The following SUMF1 variants were observed in gnomAD, a reference collection of about 807,000 sequenced individuals.
SUMF1 encodes the protein formylglycine-generating enzyme.
In SUMF1, 48 loss-of-function variants were observed where a neutral mutation model predicts 47.6. The ratio of observed to expected loss-of-function variants is 1.01; its 90% CI spans 0.80 to 1.28. The LOEUF is 1.28. Among genes scored for constraint, SUMF1 ranks in the 50% most tolerant of loss-of-function variants. The probability of loss-of-function intolerance (pLI) is 0.00; values close to 1 mark genes in which losing one functional copy is unlikely to be tolerated. For missense variants in SUMF1, 571 were observed against 485.4 expected, an observed-to-expected ratio of 1.18 and a Z score of -1.66; for synonymous variants, 230 against 192.1, an observed-to-expected ratio of 1.20 and a Z score of -1.63.
chr3:4,148,282 G>A (rs1194602335), intron 8 of SUMF1, among the ~76,000 whole-genome samples: 3 of 152,100 alleles, frequency 2.0e-5, no homozygotes, highest in Admixed American at 2.0e-4. Flanking sequence ...CCCAAGAGAT[G>A]GGGGTTGATT....
At chr3:4,313,144 A>G in intron 8 of SUMF1, 1 of 1,614,054 alleles carries the variant, frequency 6.2e-7, no homozygotes, top group Non-Finnish European at 8.5e-7. Flanking sequence ...AGTGGTCCAG[A>G]AAGGTCTACA....
chr3:4,237,855 T>A (rs1394810155), intron 8 of SUMF1, among the ~76,000 whole-genome samples: 1 of 152,190 alleles, frequency 6.6e-6, no homozygotes, highest in African/African-American at 2.4e-5. Flanking sequence ...TAGGTATACA[T>A]GTGCCATGGT....
chr3:4,038,589 C>G (rs1173188461), intron 9 of SUMF1, among the ~76,000 whole-genome samples: 2 of 152,146 alleles, frequency 1.3e-5, no homozygotes, highest in Non-Finnish European at 2.9e-5. Flanking sequence ...GAGCTTGGGG[C>G]TCCACTTGCT....
chr3:4,379,059 T>A (rs769904839), intron 7 of SUMF1, among the ~76,000 whole-genome samples: 18 of 152,342 alleles, frequency 1.2e-4, no homozygotes, highest in Middle Eastern at 3.4e-3. Context: ...GTCCTCAATT[T>A]AGGTGACTGC....
intron 8 of SUMF1, among the ~76,000 whole-genome samples, chr3:4,366,273 G>T (rs143991565): frequency 2.6e-5 from 4 of 152,142 alleles, no homozygotes; most frequent in African/African-American, 9.7e-5. Context: ...TGCCTTGTTA[G>T]ATTGGGGAAG....
intron 8 of SUMF1, among the ~76,000 whole-genome samples, chr3:4,224,280 C>T (rs1213598731): frequency 1.3e-5 from 2 of 152,084 alleles, no homozygotes; most frequent in African/African-American, 4.8e-5. Context: ...AAAAAGGCAA[C>T]AACTTATCCT....
At chr3:4,141,989 A>T (rs897986581) in intron 8 of SUMF1, among the ~76,000 whole-genome samples, 3 of 152,170 alleles carry the variant, frequency 2.0e-5, no homozygotes, top group Non-Finnish European at 4.4e-5. Flanking sequence ...GCTGTGTTTC[A>T]TTACAATCAG....
intron 7 of SUMF1, among the ~76,000 whole-genome samples, chr3:4,387,567 T>C (rs1355914709): frequency 6.6e-6 from 1 of 152,034 alleles, no homozygotes; most frequent in African/African-American, 2.4e-5. Flanking sequence ...TTTTTCTCTG[T>C]TTTTCTGTTG....
chr3:4,180,710 A>T (rs1695077828), intron 8 of SUMF1, among the ~76,000 whole-genome samples: 1 of 151,924 alleles, frequency 6.6e-6, no homozygotes, highest in Non-Finnish European at 1.5e-5. Context: ...AAAATTAGCC[A>T]GGCATGGTGG....
intron 8 of SUMF1, among the ~76,000 whole-genome samples, chr3:4,239,683 G>C (rs962395776): frequency 6.6e-6 from 1 of 152,010 alleles, no homozygotes; most frequent in African/African-American, 2.4e-5. Flanking sequence ...GAGATGATGG[G>C]GTTTTGTAAA....
intron 8 of SUMF1, among the ~76,000 whole-genome samples, chr3:4,267,003 T>C (rs1274765611): frequency 1.4e-4 from 21 of 152,150 alleles, no homozygotes; most frequent in Admixed American, 2.0e-4. Context: ...TTGTCTTTGG[T>C]TCTGTTTATA....
intron 8 of SUMF1, among the ~76,000 whole-genome samples, chr3:4,109,369 A>G (rs1693238705): frequency 6.6e-6 from 1 of 151,834 alleles, no homozygotes; most frequent in South Asian, 2.1e-4. Context: ...TTTTTCCTTC[A>G]TTTCAACTTT....
chr3:4,348,186 T>A (rs2125150597), intron 8 of SUMF1, among the ~76,000 whole-genome samples: 1 of 152,288 alleles, frequency 6.6e-6, no homozygotes, highest in African/African-American at 2.4e-5. Context: ...ATTTTAAATT[T>A]CATATGGAAC....
intron 4 of SUMF1, among the ~76,000 whole-genome samples, chr3:4,419,153 T>C (rs1231043657): frequency 1.3e-5 from 2 of 152,210 alleles, no homozygotes; most frequent in African/African-American, 4.8e-5. Context: ...TCCCTTAGCA[T>C]TTTCCTCTGT....
chr3:4,216,224 A>G (rs1695920734), intron 8 of SUMF1, among the ~76,000 whole-genome samples: 1 of 152,230 alleles, frequency 6.6e-6, no homozygotes, highest in Non-Finnish European at 1.5e-5. Flanking sequence ...CAGAGGCCTC[A>G]GAAATAACAC....
At chr3:4,420,281 T>C (rs1575200810) in intron 3 of SUMF1, 135 bp from the exon 4 acceptor site, 6 of 724,246 alleles carry the variant, frequency 8.3e-6, no homozygotes, top group Admixed American at 8.1e-5. Context: ...TTTGCCAGAA[T>C]ACCAAAATAA....
chr3:4,439,736 T>A (rs1702517993), intron 3 of SUMF1, among the ~76,000 whole-genome samples: 1 of 151,822 alleles, frequency 6.6e-6, no homozygotes, highest in Non-Finnish European at 1.5e-5. Context: ...TTTTATTTTT[T>A]TTTTAATATT....
chr3:4,084,757 G>T (rs1692636880), intron 8 of SUMF1, among the ~76,000 whole-genome samples: 1 of 152,068 alleles, frequency 6.6e-6, no homozygotes, highest in Non-Finnish European at 1.5e-5. Context: ...TTAAAGATTG[G>T]TAAATAATAA....
At chr3:4,465,475 C>G (rs1308719590) in intron 1 of SUMF1, among the ~76,000 whole-genome samples, 1 of 143,476 alleles carries the variant, frequency 7.0e-6, no homozygotes, top group African/African-American at 2.6e-5. Context: ...GAGACTCCGT[C>G]TAAAAAAAAA....
Sources: allele counts gnomAD v4.1 joint callset (sites outside exome capture counted in the v4.1 genomes callset), GRCh38; gene constraint gnomAD v4.1.1; transcripts MANE v1.5; gene names NCBI Gene and HGNC (gene_info 2026-07-23, HGNC 2026-07-21).